Variants in CRX observed in about 807,000 individuals in gnomAD.
The protein encoded by CRX is cone-rod homeobox protein.
A neutral mutation model predicts 13.1 loss-of-function variants in CRX; 5 were observed. The ratio of observed to expected loss-of-function variants is 0.38; its 90% CI spans 0.20 to 0.80. The LOEUF is 0.80. Among genes scored for constraint, CRX ranks in the 30% least tolerant of loss-of-function variants. CRX has a pLI of 0.43. For synonymous variants in CRX, 179 were observed against 171.1 expected, an observed-to-expected ratio of 1.05 and a Z score of -0.36; for missense variants, 351 against 391.8, an observed-to-expected ratio of 0.90 and a Z score of 0.88.
chr19:47,832,105 G>GTTTTTATTTTTTTTTTTTTTT (rs1555801483), intron 1 of CRX, among the ~76,000 whole-genome samples: 1 of 91,988 alleles, frequency 1.1e-5, no homozygotes, highest in Non-Finnish European at 2.1e-5. Context: ...GCAGCCTTAT[G>GTTTTTATTTTTTTTTTTTTTT]TTTTTTTTTT....
At chr19:47,837,467 G>A (rs78386829) in intron 3 of CRX, among the ~76,000 whole-genome samples, 4,905 of 152,196 alleles carry the variant, frequency 0.032, 250 homozygotes, top group African/African-American at 0.11. Flanking sequence ...GCGCCCGGCC[G>A]GATGGGTGTA....
intron 1 of CRX, among the ~76,000 whole-genome samples, chr19:47,824,176 G>A (rs987213656): frequency 1.3e-5 from 2 of 152,198 alleles, no homozygotes; most frequent in African/African-American, 2.4e-5. Context: ...GGTGAAGAGC[G>A]GGGCTCGGGG....
At chr19:47,829,184 C>T (rs1005335150) in intron 1 of CRX, among the ~76,000 whole-genome samples, 3 of 152,192 alleles carry the variant, frequency 2.0e-5, no homozygotes, top group Admixed American at 6.5e-5. Context: ...GGCATAATCT[C>T]GGCTCACTGC....
At chr19:47,824,615 C>T (rs1418495161) in intron 1 of CRX, among the ~76,000 whole-genome samples, 1 of 152,090 alleles carries the variant, frequency 6.6e-6, no homozygotes, top group Non-Finnish European at 1.5e-5. Flanking sequence ...GAACTGTGGG[C>T]ACCTCCCTCC....
At chr19:47,830,604 G>A (rs1268355618) in intron 1 of CRX, among the ~76,000 whole-genome samples, 1 of 151,900 alleles carries the variant, frequency 6.6e-6, no homozygotes, top group African/African-American at 2.4e-5. Context: ...GACCAGCTTG[G>A]CTAACAATGG....
At chr19:47,832,808 A>G (rs1400340159) in intron 1 of CRX, among the ~76,000 whole-genome samples, 1 of 151,338 alleles carries the variant, frequency 6.6e-6, no homozygotes, top group Non-Finnish European at 1.5e-5. Flanking sequence ...TTTCATTCCC[A>G]TTTTCCAACA....
intron 1 of CRX, among the ~76,000 whole-genome samples, chr19:47,823,652 T>TC (rs1424466073): frequency 6.7e-6 from 1 of 148,710 alleles, no homozygotes; most frequent in East Asian, 1.9e-4. Context: ...GAGTCTGGTT[T>TC]TTTTTTTTTT....
In CRX at chr19:47,839,679, C is replaced by T. The variant is rs750145677; in HGVS notation, c.612C>T (p.Ser204=). Residue 204 remains serine (S), a synonymous_variant, in exon 4 of 4, where the codon TCC becomes TCT. Transcript: ENST00000221996. The surrounding 1 kb of genome is among the most constrained non-coding windows in gnomAD (Gnocchi z 4.6). ...TYAPASAFCS[S]PSAYGSPSSY... is the part of the protein sequence containing the mutation. ...CCCCGGCCTCCGCTTTCTGCTCTTC[C>T]CCCTCCGCCTATGGGTCTCCGAGCT... 1.2e-6 allele frequency: 2 copies of T among 1,613,718 alleles called. No individual in the cohort carries two copies. Among genetic ancestry groups the T allele is most frequent in the Admixed American group, 1.7e-5 (1 of 59,986 alleles).
intron 1 of CRX, among the ~76,000 whole-genome samples, chr19:47,825,868 G>C (rs1174305191): frequency 6.6e-6 from 1 of 152,208 alleles, no homozygotes; most frequent in Non-Finnish European, 1.5e-5. Flanking sequence ...GTTGCAGTGA[G>C]CCAAGATTGC....
intron 1 of CRX, among the ~76,000 whole-genome samples, chr19:47,833,591 G>A (rs1968081061): frequency 6.6e-6 from 1 of 151,574 alleles, no homozygotes; most frequent in African/African-American, 2.4e-5. Context: ...CCTTACTGTT[G>A]GTTTAATGCC....
intron 3 of CRX, among the ~76,000 whole-genome samples, chr19:47,838,426 A>G (rs965255953): frequency 3.3e-5 from 5 of 152,002 alleles, no homozygotes; most frequent in African/African-American, 9.7e-5. Flanking sequence ...TAATGTGTAT[A>G]TATGTATGAT....
intron 1 of CRX, among the ~76,000 whole-genome samples, chr19:47,827,836 T>TAAA (rs1156465404): frequency 4.1e-4 from 17 of 41,756 alleles, no homozygotes; most frequent in African/African-American, 1.4e-3. Flanking sequence ...GCATCTTTAT[T>TAAA]AAAAAAAAAA....
At chr19:47,822,119 T>C (rs969153673) in intron 1 of CRX, 109 bp downstream of exon 1, 2 of 152,592 alleles carry the variant, frequency 1.3e-5, no homozygotes, top group Non-Finnish European at 2.9e-5. Context: ...CTGCAGGTGA[T>C]GTTTGCTGAA....
intron 3 of CRX, among the ~76,000 whole-genome samples, chr19:47,836,830 C>T (rs907199726): frequency 3.3e-5 from 5 of 152,182 alleles, no homozygotes; most frequent in African/African-American, 9.7e-5. Context: ...ATGTCAATTC[C>T]ACTGACGGAC....
chr19:47,838,543 A>G (rs1421617787), intron 3 of CRX, among the ~76,000 whole-genome samples: 1 of 152,148 alleles, frequency 6.6e-6, no homozygotes, highest in Admixed American at 6.5e-5. Context: ...CCATTAATGC[A>G]TGTATGATGT....
At chr19:47,822,062 A>AG (rs1210030246) in intron 1 of CRX, 52 bp downstream of exon 1, 1 of 152,690 alleles carries the variant, frequency 6.5e-6, no homozygotes, top group Non-Finnish European at 1.5e-5. Context: ...GAAAAAAGAG[A>AG]GGGGAGAAGT....
chr19:47,833,201 G>T (rs952748956), intron 1 of CRX, among the ~76,000 whole-genome samples: 1 of 151,744 alleles, frequency 6.6e-6, no homozygotes, highest in Non-Finnish European at 1.5e-5. Context: ...ACCTCCCAAA[G>T]TGCTGGGATT....
intron 1 of CRX, among the ~76,000 whole-genome samples, chr19:47,833,794 G>C (rs1486401422): frequency 6.6e-6 from 1 of 151,912 alleles, no homozygotes; most frequent in Admixed American, 6.6e-5. Flanking sequence ...AAGGGATCTT[G>C]GATGAGGGTG....
At chr19:47,838,005 A>G (rs1451489631) in intron 3 of CRX, among the ~76,000 whole-genome samples, 3 of 152,066 alleles carry the variant, frequency 2.0e-5, no homozygotes, top group Admixed American at 6.5e-5. Context: ...GTGCATACAC[A>G]CGTGTGTATG....
Sources: gnomAD v4.1 joint callset for allele counts (sites outside exome capture counted in the v4.1 genomes callset) on GRCh38, gnomAD v4.1.1 for gene constraint, Gnocchi (gnomAD v3.1) non-coding constraint, MANE v1.5 for transcripts, NCBI Gene and HGNC (gene_info 2026-07-23, HGNC 2026-07-21) for gene names.